ARMH3: variants seen among roughly 807,000 people sequenced by gnomAD.
ARMH3 encodes the protein armadillo like helical domain containing 3, also known as armadillo-like helical domain-containing protein 3.
A neutral mutation model predicts 99.1 loss-of-function variants in ARMH3; 60 were observed. The observed-to-expected ratio is 0.61, with a 90% CI of 0.49 to 0.75. The LOEUF is 0.75. Among genes scored for constraint, ARMH3 ranks in the 30% least tolerant of loss-of-function variants. The pLI, the probability that ARMH3 is intolerant of heterozygous loss-of-function variation, is 0.00. For synonymous variants in ARMH3, 285 were observed against 292.8 expected, an observed-to-expected ratio of 0.97 and a Z score of 0.27; for missense variants, 679 against 843.1, an observed-to-expected ratio of 0.81 and a Z score of 2.41.
intron 1 of ARMH3, among the ~76,000 whole-genome samples, chr10:102,043,179 T>G (rs2067463667): frequency 1.3e-5 from 2 of 151,960 alleles, no homozygotes; most frequent in South Asian, 4.1e-4. Flanking sequence ...TTCACAACCA[T>G]CCCCCTCCTT....
At chr10:101,976,915 A>G (rs149246150) in intron 19 of ARMH3, among the ~76,000 whole-genome samples, 1 of 152,058 alleles carries the variant, frequency 6.6e-6, no homozygotes, top group Non-Finnish European at 1.5e-5. Context: ...GACCTCCCCA[A>G]GTTCTGGGAT....
At position 102,023,659 on chromosome 10, in the gene ARMH3, G is replaced by A. The variant is rs1232424163; in HGVS notation, c.582+16C>T. ...AGGTGGTTTACCCCAAAGAGAGGAG[G>A]TAACAAGGGACCTACCTGTAAAATT... is the stretch of plus-strand genomic sequence containing the variant. On this transcript the variant is annotated intron_variant, in intron 7 of 25. Transcript: ENST00000370033. The A allele has an allele frequency of 5.6e-6, 9 of 1,612,320 alleles. No individual in the cohort carries two copies. The highest frequency in any genetic ancestry group is 1.3e-5 in the African/African-American group (1 of 74,968).
chr10:102,041,093 A>ATATATATATATATAT (rs1564878572), intron 1 of ARMH3, among the ~76,000 whole-genome samples: 1 of 138,828 alleles, frequency 7.2e-6, no homozygotes, highest in African/African-American at 2.8e-5. Flanking sequence ...TATATATAAT[A>ATATATATATATATAT]TATATATATA....
intron 15 of ARMH3, among the ~76,000 whole-genome samples, chr10:101,999,133 G>A (rs1013025210): frequency 2.6e-5 from 4 of 151,944 alleles, no homozygotes; most frequent in African/African-American, 9.7e-5. Flanking sequence ...GTTAACTATT[G>A]CTAGAATGTT....
At chr10:101,991,582 T>C (rs1846797960) in intron 18 of ARMH3, among the ~76,000 whole-genome samples, 1 of 152,164 alleles carries the variant, frequency 6.6e-6, no homozygotes, top group Non-Finnish European at 1.5e-5. Context: ...GTTTTCACCA[T>C]GTTGGCCAAG....
intron 22 of ARMH3, among the ~76,000 whole-genome samples, chr10:101,951,784 C>T (rs1473999234): frequency 6.6e-6 from 1 of 151,698 alleles, no homozygotes; most frequent in African/African-American, 2.4e-5. Context: ...AGGAGAATCC[C>T]TGGAACCCAG....
At chr10:101,848,505 A>T (rs1243502105) in intron 25 of ARMH3, among the ~76,000 whole-genome samples, 1 of 152,122 alleles carries the variant, frequency 6.6e-6, no homozygotes, top group African/African-American at 2.4e-5. Flanking sequence ...GGAGGAGGAG[A>T]GTGTGTCTGC....
chr10:101,943,400 G>A (rs1367511936), intron 22 of ARMH3, among the ~76,000 whole-genome samples: 2 of 151,792 alleles, frequency 1.3e-5, no homozygotes, highest in Non-Finnish European at 2.9e-5. Context: ...GGAGTATCAG[G>A]CAGGTTCTGG....
At chr10:101,995,712 C>T (rs1459846865) in intron 15 of ARMH3, among the ~76,000 whole-genome samples, 2 of 152,172 alleles carry the variant, frequency 1.3e-5, no homozygotes, top group African/African-American at 4.8e-5. Flanking sequence ...TCCTTTTCCA[C>T]CCACCCTCTC....
chr10:102,051,890 G>T lies in ARMH3; in HGVS notation c.-12+4195C>A, dbSNP rs556781649. Among the ~76,000 whole-genome samples the T allele has an allele frequency of 6.6e-5, 10 of 152,150 alleles. No homozygotes were observed. In the South Asian group the frequency reaches 1.0e-3, roughly 16 times the overall value. On this transcript the variant is annotated intron_variant, in intron 1 of 25. Coordinates refer to ENST00000370033, the MANE Select transcript of ARMH3 (RefSeq NM_024541.3). The stretch of plus-strand genomic sequence containing the variant: ...CATTTAAATAAACATGACCACCTTT[G>T]GTTCCCTTTCAAATTATCCTACACA...
At chr10:101,899,734 T>C (rs1168126504) in intron 23 of ARMH3, among the ~76,000 whole-genome samples, 1 of 152,228 alleles carries the variant, frequency 6.6e-6, no homozygotes, top group African/African-American at 2.4e-5. Flanking sequence ...CTGTTAGGAT[T>C]ATCCTTCTAA....
chr10:102,021,075 TTG>T (rs1163382948), intron 8 of ARMH3, among the ~76,000 whole-genome samples: 6 of 152,032 alleles, frequency 3.9e-5, no homozygotes, highest in Non-Finnish European at 4.4e-5. Flanking sequence ...GGTTTAGGTT[TTG>T]TGTGTGTGTT....
At chr10:101,848,437 AAGG>A (rs1358530348) in intron 25 of ARMH3, among the ~76,000 whole-genome samples, 3 of 152,292 alleles carry the variant, frequency 2.0e-5, no homozygotes, top group Admixed American at 6.5e-5. Flanking sequence ...CAGACTCTTC[AAGG>A]AGATTTCCCC....
At chr10:101,905,281 G>A (rs2068076454) in intron 23 of ARMH3, among the ~76,000 whole-genome samples, 4 of 152,184 alleles carry the variant, frequency 2.6e-5, no homozygotes, top group Admixed American at 2.6e-4. Context: ...CATTCATTCT[G>A]CTATCCACCC....
chr10:101,988,141 G>C (rs967782863), intron 19 of ARMH3, among the ~76,000 whole-genome samples: 6 of 152,278 alleles, frequency 3.9e-5, no homozygotes, highest in Non-Finnish European at 7.4e-5. Context: ...TTACACAGCA[G>C]TAGATAACTA....
chr10:101,999,226 T>G lies in ARMH3; in HGVS notation c.1150+2745A>C, dbSNP rs141523929. ...TTTTTTTTGAAACAGAGTTTTGCCC[T>G]TGTTGCCCAGGCTAGAGTGCAGTGG... On this transcript the variant is annotated intron_variant, in intron 15 of 25. Coordinates refer to ENST00000370033, the MANE Select transcript of ARMH3 (RefSeq NM_024541.3). Among the ~76,000 whole-genome samples, 311 of 152,122 alleles carry G rather than the reference T, an allele frequency of 2.0e-3. 1 individual carries two copies. The highest frequency in any genetic ancestry group is 4.4e-3 in the South Asian group (21 of 4,804).
At chr10:102,033,955 G>A (rs2067192847) in intron 2 of ARMH3, among the ~76,000 whole-genome samples, 1 of 152,142 alleles carries the variant, frequency 6.6e-6, no homozygotes, top group Admixed American at 6.6e-5. Flanking sequence ...CATGCCTCCC[G>A]TGCATTGGTA....
chr10:101,873,871 T>C (rs2067195986), intron 24 of ARMH3, among the ~76,000 whole-genome samples: 1 of 152,220 alleles, frequency 6.6e-6, no homozygotes, highest in Non-Finnish European at 1.5e-5. Context: ...CACACTTTGT[T>C]TATTCATTCA....
At chr10:101,918,296 C>CA (rs1843166188) in intron 23 of ARMH3, among the ~76,000 whole-genome samples, 2 of 152,158 alleles carry the variant, frequency 1.3e-5, no homozygotes, top group Admixed American at 1.3e-4. Flanking sequence ...TCAAGTGATC[C>CA]GCTGCCCTCG....
Sources: gnomAD v4.1 joint callset for allele counts (sites outside exome capture counted in the v4.1 genomes callset) on GRCh38, gnomAD v4.1.1 for gene constraint, MANE v1.5 for transcripts, NCBI Gene and HGNC (gene_info 2026-07-23, HGNC 2026-07-21) for gene names.